Variants in DACH1 observed in about 807,000 individuals in gnomAD.
DACH1 encodes dachshund homolog 1.
In DACH1, 12 loss-of-function variants were observed where a neutral mutation model predicts 54.2. That is an observed-to-expected ratio of 0.22 (90% CI 0.14 to 0.36). DACH1 has a LOEUF of 0.36. Ranked by LOEUF, DACH1 falls within the 10% of genes least tolerant of loss-of-function variation. DACH1 has a pLI of 1.00. For missense variants in DACH1, 805 were observed against 929.8 expected, an observed-to-expected ratio of 0.87 and a Z score of 1.75; for synonymous variants, 386 against 366.2, an observed-to-expected ratio of 1.05 and a Z score of -0.62.
chr13:71,837,964 T>C (rs975902828), intron 1 of DACH1, among the ~76,000 whole-genome samples: 75 of 112,938 alleles, frequency 6.6e-4, no homozygotes, highest in Admixed American at 4.7e-3. Flanking sequence ...TGAGATCACA[T>C]GGACACAGGA....
chr13:71,458,679 C>A (rs1439005632), intron 10 of DACH1, among the ~76,000 whole-genome samples: 1 of 151,698 alleles, frequency 6.6e-6, no homozygotes, highest in Non-Finnish European at 1.5e-5. Flanking sequence ...AGTATATTGG[C>A]TTTTAAATAT....
chr13:71,443,498 T>A (rs986475271), intron 10 of DACH1, among the ~76,000 whole-genome samples: 2 of 152,142 alleles, frequency 1.3e-5, no homozygotes, highest in Non-Finnish European at 2.9e-5. Context: ...TCAGCAGTCA[T>A]ACACTAGGAT....
At chr13:71,595,721 G>A (rs1165514209) in intron 3 of DACH1, among the ~76,000 whole-genome samples, 1 of 152,082 alleles carries the variant, frequency 6.6e-6, no homozygotes, top group Non-Finnish European at 1.5e-5. Context: ...GTTCTAAGAG[G>A]AAACTCTTCT....
intron 1 of DACH1, among the ~76,000 whole-genome samples, chr13:71,779,464 G>A (rs1277479333): frequency 6.6e-6 from 1 of 151,654 alleles, no homozygotes; most frequent in Non-Finnish European, 1.5e-5. Context: ...AATGCAGAAA[G>A]TGGCAACGCA....
intron 1 of DACH1, among the ~76,000 whole-genome samples, chr13:71,771,895 G>GA (rs375932133): frequency 3.1e-4 from 44 of 140,136 alleles, no homozygotes; most frequent in South Asian, 6.8e-4. Flanking sequence ...AGTAAAGGAT[G>GA]AAAAAAAAAA....
At chr13:71,855,767 G>T (rs1188254938) in intron 1 of DACH1, among the ~76,000 whole-genome samples, 1 of 151,908 alleles carries the variant, frequency 6.6e-6, no homozygotes, top group African/African-American at 2.4e-5. Context: ...CATTTAAAGT[G>T]TGACTCTAAG....
chr13:71,536,946 T>C (rs552979850), intron 6 of DACH1, among the ~76,000 whole-genome samples: 29 of 152,252 alleles, frequency 1.9e-4, no homozygotes, highest in African/African-American at 6.3e-4. Flanking sequence ...TATTTAATTA[T>C]AGCTCCGCAC....
At chr13:71,627,879 G>A (rs1876778479) in intron 3 of DACH1, among the ~76,000 whole-genome samples, 1 of 152,062 alleles carries the variant, frequency 6.6e-6, no homozygotes, top group Non-Finnish European at 1.5e-5. Context: ...GGAAGCAGTT[G>A]ATGGTGGTAA....
chr13:71,593,429 A>G (rs1873873216), intron 3 of DACH1, among the ~76,000 whole-genome samples: 1 of 152,112 alleles, frequency 6.6e-6, no homozygotes, highest in Non-Finnish European at 1.5e-5. Context: ...ATGCCAACCC[A>G]TTTCCAGATG....
intron 3 of DACH1, among the ~76,000 whole-genome samples, chr13:71,586,514 C>G (rs899601987): frequency 2.0e-5 from 3 of 152,078 alleles, no homozygotes; most frequent in African/African-American, 7.2e-5. Flanking sequence ...GTGTAATACT[C>G]TGACATTGAA....
intron 3 of DACH1, among the ~76,000 whole-genome samples, chr13:71,603,982 A>C (rs960343797): frequency 1.3e-5 from 2 of 151,888 alleles, no homozygotes; most frequent in Non-Finnish European, 2.9e-5. Flanking sequence ...ACTGTTGTGA[A>C]GATATATCTA....
At chr13:71,640,365 C>T (rs1877806862) in intron 2 of DACH1, among the ~76,000 whole-genome samples, 1 of 151,900 alleles carries the variant, frequency 6.6e-6, no homozygotes, top group South Asian at 2.1e-4. Context: ...GAAACAATGA[C>T]CATTGAACTT....
intron 10 of DACH1, among the ~76,000 whole-genome samples, chr13:71,459,364 T>A (rs1313964196): frequency 6.6e-6 from 1 of 151,984 alleles, no homozygotes; most frequent in Admixed American, 6.6e-5. Context: ...TTTTCCATTC[T>A]ATACTGCAGT....
chr13:71,770,390 CTT>C (rs1271320371), intron 1 of DACH1, among the ~76,000 whole-genome samples: 1 of 151,586 alleles, frequency 6.6e-6, no homozygotes, highest in Non-Finnish European at 1.5e-5. Context: ...TTTGTCACCT[CTT>C]TTAAAAATTA....
intron 1 of DACH1, among the ~76,000 whole-genome samples, chr13:71,761,604 C>T (rs1216820908): frequency 6.6e-6 from 1 of 152,074 alleles, no homozygotes; most frequent in Non-Finnish European, 1.5e-5. Flanking sequence ...TCTCAAACAT[C>T]AATGTGCGTA....
chr13:71,721,003 AT>A (rs1449581656), intron 1 of DACH1, among the ~76,000 whole-genome samples: 1 of 152,178 alleles, frequency 6.6e-6, no homozygotes, highest in Non-Finnish European at 1.5e-5. Flanking sequence ...CCTGTTAAAA[AT>A]ACTGTAGAAC....
intron 2 of DACH1, among the ~76,000 whole-genome samples, chr13:71,652,858 A>T (rs1878781245): frequency 6.6e-6 from 1 of 152,190 alleles, no homozygotes; most frequent in Non-Finnish European, 1.5e-5. Flanking sequence ...TTTTTGAATA[A>T]ATAAATAGCA....
chr13:71,776,403 T>G (rs185511128), intron 1 of DACH1, among the ~76,000 whole-genome samples: 1 of 152,246 alleles, frequency 6.6e-6, no homozygotes, highest in Non-Finnish European at 1.5e-5. Context: ...TAATTGAGTT[T>G]ATTAATTTTG....
At chr13:71,862,528 C>G (rs1180100267) in intron 1 of DACH1, among the ~76,000 whole-genome samples, 1 of 151,724 alleles carries the variant, frequency 6.6e-6, no homozygotes, top group Non-Finnish European at 1.5e-5. Context: ...TGTTTTGAGA[C>G]CTTTATTTTT....
Sources: allele counts gnomAD v4.1 joint callset (sites outside exome capture counted in the v4.1 genomes callset), GRCh38; gene constraint gnomAD v4.1.1; transcripts MANE v1.5; gene names NCBI Gene and HGNC (gene_info 2026-07-23, HGNC 2026-07-21).